The following REPS1 variants were observed in gnomAD, a reference collection of about 807,000 sequenced individuals.
The protein encoded by REPS1 is RALBP1 associated Eps domain containing 1.
REPS1 carries 39 observed loss-of-function variants against 100.9 expected under a neutral mutation model. The ratio of observed to expected loss-of-function variants is 0.39; its 90% confidence interval spans 0.30 to 0.50. The LOEUF (loss-of-function observed/expected upper bound fraction) is 0.50, where lower values mean the gene tolerates loss of function less well. Ranked by LOEUF, REPS1 falls within the 20% of genes least tolerant of loss-of-function variation. The pLI, the probability that REPS1 is intolerant of heterozygous loss-of-function variation, is 0.86. For missense variants in REPS1, 821 were observed against 968.5 expected (o/e 0.85, Z 2.02); for synonymous variants, 324 against 340.3 (o/e 0.95, Z 0.53).
chr6:138,986,882 T>C (rs1785289946), intron 1 of REPS1, among the ~76,000 whole-genome samples: 1 of 152,216 alleles, frequency 6.6e-6, no homozygotes, highest in Non-Finnish European at 1.5e-5. Context: ...AATACTCATC[T>C]CCCAACCCAA....
At chr6:138,924,501 T>C (rs1336640468) in intron 10 of REPS1, among the ~76,000 whole-genome samples, 2 of 152,326 alleles carry the variant, frequency 1.3e-5, no homozygotes, top group Admixed American at 6.5e-5. Flanking sequence ...GAGTTCTAGA[T>C]TTTTATACAT....
At chr6:138,914,790 A>G (rs913338423) in intron 14 of REPS1, 29 bp from the exon 15 acceptor site, 3 of 1,581,192 alleles carry the variant, frequency 1.9e-6, no homozygotes, top group African/African-American at 2.7e-5. Flanking sequence ...TCTTCTTTTT[A>G]GTAACTGTAT....
At chr6:138,943,146 A>AG (rs1226775132) in intron 7 of REPS1, among the ~76,000 whole-genome samples, 1 of 152,254 alleles carries the variant, frequency 6.6e-6, no homozygotes, top group Non-Finnish European at 1.5e-5. Context: ...CTCTGGTTAA[A>AG]TGGAAGCTAA....
chr6:138,919,033 ATTT>A (rs1386511515), intron 12 of REPS1, among the ~76,000 whole-genome samples: 2 of 152,190 alleles, frequency 1.3e-5, no homozygotes, highest in Non-Finnish European at 2.9e-5. Flanking sequence ...AAATGAACAT[ATTT>A]CCATCTGGAT....
chr6:138,975,881 G>A (rs984942013), intron 1 of REPS1, among the ~76,000 whole-genome samples: 1 of 152,084 alleles, frequency 6.6e-6, no homozygotes, highest in Non-Finnish European at 1.5e-5. Context: ...TCAGTTTACA[G>A]ACGAGGAAAT....
chr6:138,969,269 ATTTTTTTTTTTTTT>A (rs71013004), intron 1 of REPS1, among the ~76,000 whole-genome samples: 2 of 74,258 alleles, frequency 2.7e-5, no homozygotes, highest in Admixed American at 1.7e-4. Flanking sequence ...CAAAGCTGTA[ATTTTTTTTTTTTTT>A]TTTTTTTTTT....
At chr6:138,928,107 A>C (rs1270852613) in intron 9 of REPS1, 6 of 152,232 alleles carry the variant, frequency 3.9e-5, no homozygotes, top group African/African-American at 1.4e-4. Flanking sequence ...AGACTACTGG[A>C]ATCCCAGTTA....
At chr6:138,921,725 C>G (rs1780776585) in intron 10 of REPS1, among the ~76,000 whole-genome samples, 1 of 151,872 alleles carries the variant, frequency 6.6e-6, no homozygotes, top group African/African-American at 2.4e-5. Context: ...TTATAGGCAC[C>G]TGCCACCATG....
chr6:138,917,305 A>G (rs1242707240), intron 13 of REPS1, among the ~76,000 whole-genome samples: 1 of 152,260 alleles, frequency 6.6e-6, no homozygotes, highest in Non-Finnish European at 1.5e-5. Flanking sequence ...AAGGACTTAT[A>G]AAACTTCTAT....
At chr6:138,986,450 T>C (rs1785262812) in intron 1 of REPS1, among the ~76,000 whole-genome samples, 1 of 152,230 alleles carries the variant, frequency 6.6e-6, no homozygotes, top group South Asian at 2.1e-4. Flanking sequence ...CTTCATTCTG[T>C]GGATGAACAT....
chr6:138,933,248 T>C (rs1781592247), intron 8 of REPS1, among the ~76,000 whole-genome samples: 3 of 152,210 alleles, frequency 2.0e-5, no homozygotes, highest in Non-Finnish European at 2.9e-5. Flanking sequence ...TTGGAAACTT[T>C]TTCTATATTA....
At chr6:138,959,231 G>C (rs533556085) in intron 1 of REPS1, among the ~76,000 whole-genome samples, 64 of 152,212 alleles carry the variant, frequency 4.2e-4, no homozygotes, top group African/African-American at 1.5e-3. Flanking sequence ...CTGTTCCTAT[G>C]CCCAGAATGA....
chr6:138,956,726 C>A (rs180872096), intron 1 of REPS1, among the ~76,000 whole-genome samples: 1 of 152,068 alleles, frequency 6.6e-6, no homozygotes, highest in East Asian at 1.9e-4. Context: ...ATTGCCTCAT[C>A]CTTAAATATG....
chr6:138,957,471 CCAGG>C (rs1165540179), intron 1 of REPS1, among the ~76,000 whole-genome samples: 1 of 152,158 alleles, frequency 6.6e-6, no homozygotes, highest in Non-Finnish European at 1.5e-5. Flanking sequence ...ACATTTTCAA[CCAGG>C]CAGAAACTTT....
chr6:138,957,739 C>T (rs1783489453), intron 1 of REPS1, among the ~76,000 whole-genome samples: 2 of 152,070 alleles, frequency 1.3e-5, no homozygotes, highest in Admixed American at 6.6e-5. Context: ...TGAAGGCAAA[C>T]TGTGAGAAAA....
At chr6:138,973,299 T>C (rs946285005) in intron 1 of REPS1, among the ~76,000 whole-genome samples, 4 of 152,166 alleles carry the variant, frequency 2.6e-5, no homozygotes, top group Non-Finnish European at 5.9e-5. Context: ...TGAAAGATGA[T>C]ACAACATTCT....
chr6:138,957,431 T>C (rs754814993), intron 1 of REPS1, among the ~76,000 whole-genome samples: 5 of 152,202 alleles, frequency 3.3e-5, no homozygotes, highest in Non-Finnish European at 5.9e-5. Context: ...TAGAATTCTA[T>C]CCAAACTATC....
intron 15 of REPS1, among the ~76,000 whole-genome samples, chr6:138,913,235 T>A (rs537820136): frequency 1.6e-3 from 247 of 152,158 alleles, no homozygotes; most frequent in Non-Finnish European, 3.0e-3. Flanking sequence ...AGAGGGTAGG[T>A]CTGGCCCTAC....
chr6:138,947,976 A>T, intron 1 of REPS1, 63 bp from the exon 2 acceptor site: 2 of 1,460,952 alleles, frequency 1.4e-6, no homozygotes, highest in Non-Finnish European at 9.2e-7. Context: ...AAAAATAAGC[A>T]GCTACCCAAC....
Sources: gnomAD v4.1 joint callset for allele counts (sites outside exome capture counted in the v4.1 genomes callset) on GRCh38, gnomAD v4.1.1 for gene constraint, MANE v1.5 for transcripts, NCBI Gene and HGNC (gene_info 2026-07-23, HGNC 2026-07-21) for gene names.